Variants in PRR5L observed in about 807,000 individuals in gnomAD.
PRR5L encodes proline rich 5 like, also known as proline-rich protein 5-like.
A neutral mutation model predicts 36.4 loss-of-function variants in PRR5L; 21 were observed. The ratio of observed to expected loss-of-function variants is 0.58; its 90% CI spans 0.41 to 0.83. The LOEUF (loss-of-function observed/expected upper bound fraction) is 0.83, where lower values mean the gene tolerates loss of function less well. Ranked by LOEUF, PRR5L falls within the 40% of genes least tolerant of loss-of-function variation. The pLI, the probability that PRR5L is intolerant of heterozygous loss-of-function variation, is 0.00. For missense variants in PRR5L, 381 were observed against 473.3 expected (o/e 0.80, Z 1.81); for synonymous variants, 188 against 197.0 (o/e 0.95, Z 0.38).
chr11:36,403,080 G>A (rs539879099), intron 2 of PRR5L, among the ~76,000 whole-genome samples: 1 of 152,352 alleles, frequency 6.6e-6, no homozygotes, highest in African/African-American at 2.4e-5. Flanking sequence ...AGGAAGACCT[G>A]CTGGCTTGCA....
At chr11:36,358,224 TC>T (rs1857048970) in intron 1 of PRR5L, among the ~76,000 whole-genome samples, 3 of 152,212 alleles carry the variant, frequency 2.0e-5, no homozygotes. Flanking sequence ...TGAAAGAAAT[TC>T]CACTGAGGGT....
chr11:36,351,289 T>TA (rs1159352820), intron 1 of PRR5L, among the ~76,000 whole-genome samples: 1,899 of 27,974 alleles, frequency 0.068, 139 homozygotes, highest in East Asian at 0.44. Flanking sequence ...TATGTATATT[T>TA]ATATATTTAT....
intron 1 of PRR5L, among the ~76,000 whole-genome samples, chr11:36,396,587 T>A (rs1857664683): frequency 6.6e-6 from 1 of 152,232 alleles, no homozygotes. Context: ...TTTTATTTAT[T>A]GAACGAGCTC....
At chr11:36,401,394 A>C in intron 2 of PRR5L, 109 bp downstream of exon 2, 1 of 1,059,426 alleles carries the variant, frequency 9.4e-7, no homozygotes, top group Non-Finnish European at 1.4e-6. Context: ...GGCCGTGATT[A>C]TGGGGGTAAA....
chr11:36,301,389 T>C (rs984912221), intron 1 of PRR5L, among the ~76,000 whole-genome samples: 1 of 150,438 alleles, frequency 6.6e-6, no homozygotes, highest in African/African-American at 2.5e-5. Context: ...GGGAGAGGGG[T>C]GAGGGAAGAT....
At chr11:36,389,320 C>G (rs1414756302) in intron 1 of PRR5L, among the ~76,000 whole-genome samples, 1 of 152,186 alleles carries the variant, frequency 6.6e-6, no homozygotes, top group African/African-American at 2.4e-5. Context: ...CACCCATCAC[C>G]TTGCAAAGCC....
At chr11:36,429,336 A>G (rs148393665) in intron 4 of PRR5L, among the ~76,000 whole-genome samples, 205 of 152,302 alleles carry the variant, frequency 1.3e-3, no homozygotes, top group African/African-American at 4.7e-3. Flanking sequence ...TTAGGCACCT[A>G]CTATGTTCTA....
At chr11:36,442,206 G>A (rs1858736286) in intron 6 of PRR5L, among the ~76,000 whole-genome samples, 1 of 152,104 alleles carries the variant, frequency 6.6e-6, no homozygotes, top group Non-Finnish European at 1.5e-5. Flanking sequence ...GCATGGCCAG[G>A]CTGCAAATTT....
intron 4 of PRR5L, among the ~76,000 whole-genome samples, chr11:36,430,609 G>A (rs1389836772): frequency 6.6e-6 from 1 of 152,132 alleles, no homozygotes; most frequent in Non-Finnish European, 1.5e-5. Flanking sequence ...TTTTGAAGAA[G>A]TTGGGCTGAG....
At chr11:36,412,802 C>T (rs2133572908) in intron 3 of PRR5L, among the ~76,000 whole-genome samples, 1 of 152,190 alleles carries the variant, frequency 6.6e-6, no homozygotes, top group Non-Finnish European at 1.5e-5. Flanking sequence ...GCCCAGATCA[C>T]TCTCTCATAG....
intron 1 of PRR5L, among the ~76,000 whole-genome samples, chr11:36,322,465 A>G (rs1416221605): frequency 6.6e-6 from 1 of 152,338 alleles, no homozygotes. Flanking sequence ...TATTGTTTTT[A>G]TCTGCCTACC....
At chr11:36,307,738 T>C (rs1476329650) in intron 1 of PRR5L, among the ~76,000 whole-genome samples, 1 of 152,248 alleles carries the variant, frequency 6.6e-6, no homozygotes, top group Non-Finnish European at 1.5e-5. Flanking sequence ...GTGAACTTCT[T>C]CTTCCTTTTC....
rs1420456525 is a variant in PRR5L, at chr11:36,351,643, TTATATATTTATATAAA to T, written c.-125-49339_-125-49324del. Among the ~76,000 whole-genome samples the T allele has an allele frequency of 4.4e-4, 6 of 13,680 alleles. 3 individuals carry two copies. The South Asian group carries it at 0.017, about 40-fold the overall frequency. 9.0% of individuals were successfully genotyped at this position (13,680 alleles called of 152,430 possible). On this transcript the variant is annotated intron_variant, in intron 1 of 8. Coordinates refer to ENST00000530639, the MANE Select transcript of PRR5L (RefSeq NM_001160167.2). ...TTTATATATTTATATAAATATATAT[TTATATATTTATATAAA>T]TATATATTTATATACTTATATATTT...
intron 1 of PRR5L, among the ~76,000 whole-genome samples, chr11:36,310,667 C>A (rs1856490730): frequency 6.6e-6 from 1 of 152,122 alleles, no homozygotes; most frequent in African/African-American, 2.4e-5. Flanking sequence ...AAAGGACTTG[C>A]AATATTTATA....
intron 8 of PRR5L, among the ~76,000 whole-genome samples, chr11:36,452,057 A>G (rs1858957282): frequency 6.6e-6 from 1 of 152,218 alleles, no homozygotes; most frequent in African/African-American, 2.4e-5. Context: ...AAATAGCTGT[A>G]TGATAAGGCT....
intron 8 of PRR5L, among the ~76,000 whole-genome samples, chr11:36,452,255 C>G (rs1309628253): frequency 6.6e-6 from 1 of 152,184 alleles, no homozygotes; most frequent in Admixed American, 6.5e-5. Flanking sequence ...TGGAGAGATG[C>G]AGAGGCAGAA....
chr11:36,427,942 CT>C (rs1858415693), intron 4 of PRR5L, among the ~76,000 whole-genome samples: 4 of 152,218 alleles, frequency 2.6e-5, no homozygotes, highest in African/African-American at 9.7e-5. Context: ...GATTGCACAT[CT>C]GCACTGGGCA....
chr11:36,424,444 G>A lies in PRR5L; in HGVS notation c.294+5141G>A, dbSNP rs144776103. Among the ~76,000 whole-genome samples, 111 of 152,316 alleles carry A rather than the reference G, an allele frequency of 7.3e-4. 2 individuals carry two copies. Among genetic ancestry groups the A allele is most frequent in the Non-Finnish European group, 1.4e-3 (93 of 68,028 alleles). ...AAGAGAAAGGAATGGCAGGAGCCAG[G>A]CTTAGGGCATTGATGGGGGAGGCAT... On this transcript the variant is annotated intron_variant, in intron 4 of 8. Coordinates refer to ENST00000530639, the MANE Select transcript of PRR5L (RefSeq NM_001160167.2).
rs1856846535 is a variant in PRR5L, at chr11:36,344,521, T to C, written c.-126+48083T>C. 6.6e-6 allele frequency among the ~76,000 whole-genome samples: 1 copy of C among 152,232 alleles called. No individual in the cohort carries two copies. The highest frequency in any genetic ancestry group is 6.5e-5 in the Admixed American group (1 of 15,290). Reference sequence around the variant, plus strand: ...TTGGACATTAACTTCATTTGTACTTTTGCTATTGTCAATAACAACAAAACG... The same window carrying C: ...TTGGACATTAACTTCATTTGTACTTCTGCTATTGTCAATAACAACAAAACG... On this transcript the variant is annotated intron_variant, in intron 1 of 8. Transcript: ENST00000530639. This position sits in a 1 kb window ranked among gnomAD's most constrained non-coding sequence, Gnocchi z 4.1.
Sources: allele counts gnomAD v4.1 joint callset (sites outside exome capture counted in the v4.1 genomes callset), GRCh38; gene constraint gnomAD v4.1.1; non-coding constraint Gnocchi (gnomAD v3.1); transcripts MANE v1.5; gene names NCBI Gene and HGNC (gene_info 2026-07-23, HGNC 2026-07-21).